ESPL1: variants seen among roughly 807,000 people sequenced by gnomAD.
ESPL1 encodes the protein separin.
Under a neutral mutation model 217.2 loss-of-function variants are expected in ESPL1, and 50 were observed. That is an observed-to-expected ratio of 0.23 (90% CI 0.18 to 0.29). The LOEUF is 0.29. Among genes scored for constraint, ESPL1 ranks in the 10% least tolerant of loss-of-function variants. The probability of loss-of-function intolerance (pLI) is 1.00; values close to 1 mark genes in which losing one functional copy is unlikely to be tolerated. For synonymous variants in ESPL1, 994 were observed against 1,081.3 expected, an observed-to-expected ratio of 0.92 and a Z score of 1.58; for missense variants, 1,834 against 2,603.0, an observed-to-expected ratio of 0.70 and a Z score of 6.43.
chr12:53,277,128 T>C lies in ESPL1; in HGVS notation c.1986T>C (p.Ser662=), dbSNP rs1470807709. The C allele has an allele frequency of 1.2e-6, 2 of 1,614,198 alleles. No individual in the cohort carries two copies. The highest frequency in any genetic ancestry group is 1.7e-5 in the Admixed American group (1 of 60,030). The change falls in exon 9 of 31, where the codon TCT becomes TCC. Residue 662 remains serine, a synonymous_variant. Transcript: ENST00000257934. ...GGGAAGCCCTGCAGCTTCTGGACTCTGTGAGGCCTGAGGCCCAGGCCAGAG... is the reference window on the plus strand; with the variant it reads ...GGGAAGCCCTGCAGCTTCTGGACTCCGTGAGGCCTGAGGCCCAGGCCAGAG... The part of the protein sequence containing the change: ...AIREALQLLD[S]VRPEAQARDQ...
In ESPL1 at chr12:53,268,387, G is replaced by T. The variant is rs1192411225; in HGVS notation, c.-13+10G>T. Reference sequence around the variant, plus strand: ...GGCGAGCTCTGGGGCGGTAAGGCCGGAAGGGACTCGTGAGCGTGGGTACGT... The same window carrying T: ...GGCGAGCTCTGGGGCGGTAAGGCCGTAAGGGACTCGTGAGCGTGGGTACGT... On this transcript the variant is annotated intron_variant, in intron 1 of 30. Coordinates refer to ENST00000257934, the MANE Select transcript of ESPL1 (RefSeq NM_012291.5). 6 of 226,268 alleles carry T rather than the reference G, an allele frequency of 2.7e-5. No homozygotes were observed. The highest frequency in any genetic ancestry group is 5.3e-5 in the Non-Finnish European group (6 of 113,036). 14.0% of individuals were successfully genotyped at this position (226,268 alleles called of 1,614,324 possible). A position where few individuals can be genotyped will look rare whatever the true frequency, so the allele number is the denominator to read the frequency against.
In ESPL1 at chr12:53,288,316, C is replaced by T. The variant is rs763866619; in HGVS notation, c.4521C>T (p.Gly1507=). Residue 1507 remains glycine, a synonymous_variant, in exon 19 of 31, where the codon GGC becomes GGT. Transcript: ENST00000257934. ...WRKMSFEILR[G]SDGEDSASGG... ...AAATGAGCTTTGAGATCCTCAGGGG[C>T]TCTGACGGGGAAGACTCAGCCTCAG... 9.4e-6 allele frequency: 15 copies of T among 1,601,456 alleles called. No individual in the cohort carries two copies. The highest frequency in any genetic ancestry group is 1.3e-5 in the Non-Finnish European group (15 of 1,174,692).
chr12:53,276,591 A>G (rs916467919), intron 7 of ESPL1, 29 bp from the exon 8 acceptor site: 4 of 1,572,832 alleles, frequency 2.5e-6, no homozygotes, highest in Admixed American at 3.6e-5. Context: ...CCTGGGTTCC[A>G]CCCTGGTGCT....
At chr12:53,288,721 T>C (rs1233485060) in intron 20 of ESPL1, 22 bp downstream of exon 20, 3 of 1,597,176 alleles carry the variant, frequency 1.9e-6, no homozygotes, top group Non-Finnish European at 2.6e-6. Context: ...ACCCCTGATG[T>C]TGGTCACTTG....
intron 6 of ESPL1, chr12:53,274,056 A>G (rs1337439024): frequency 6.6e-6 from 1 of 151,672 alleles, no homozygotes; most frequent in African/African-American, 2.4e-5. Context: ...GGGTTTCATC[A>G]TCTTGGCCGG....
chr12:53,282,398 C>A lies in ESPL1; in HGVS notation c.2754C>A (p.Asn918Lys). The A allele has an allele frequency of 6.2e-7, 1 of 1,614,194 alleles. No homozygotes were observed. The change falls in exon 14 of 31, where the codon AAC becomes AAA. Residue 918 changes from asparagine to lysine, a missense_variant. Around this residue, in one of 5 missense-constraint regions of ESPL1, gnomAD observed 107 missense variants for 171.7 expected, o/e 0.62. Coordinates refer to ENST00000257934, the MANE Select transcript of ESPL1 (RefSeq NM_012291.5). This position sits in a 1 kb window ranked among gnomAD's most constrained non-coding sequence, Gnocchi z 4.0. Reference sequence around the variant, plus strand: ...CTTACCTTAGCCTCCCGTCAAACAACCTCTCACACTCCCTGTGGGAGCAGC... The same window carrying A: ...CTTACCTTAGCCTCCCGTCAAACAAACTCTCACACTCCCTGTGGGAGCAGC... ...VAAYLSLPSN[N>K]LSHSLWEQLC...
intron 6 of ESPL1, 102 bp from the exon 7 acceptor site, chr12:53,274,715 G>A (rs750244042): frequency 8.0e-5 from 75 of 935,522 alleles, no homozygotes; most frequent in South Asian, 1.4e-4. Flanking sequence ...TGCCAACCCC[G>A]CCCCCTCATG....
chr12:53,281,641 C>A lies in ESPL1; in HGVS notation c.2619+15C>A, dbSNP rs1364285520. The stretch of plus-strand genomic sequence containing the variant: ...CTCACCAGAAGGTATTTCTCACTTT[C>A]TTAAACTCCGAAGGCCCTGGGTATT... On this transcript the variant is annotated intron_variant, in intron 13 of 30. Transcript: ENST00000257934. The A allele has an allele frequency of 6.2e-7, 1 of 1,608,352 alleles. No individual in the cohort carries two copies.
Position 53,288,123 on chromosome 12 carries a change from G to C in ESPL1, c.4328G>C (p.Gly1443Ala), listed in dbSNP as rs1360336347. 2.5e-6 allele frequency: 4 copies of C among 1,613,648 alleles called. No individual in the cohort carries two copies. In the African/African-American group the frequency reaches 5.3e-5, roughly 22 times the overall value. Residue 1443 changes from glycine to alanine, a missense_variant, in exon 19 of 31, where the codon GGT becomes GCT. Coordinates refer to ENST00000257934, the MANE Select transcript of ESPL1 (RefSeq NM_012291.5). ...AAGACGGATGCCGTGGTTGCCCCAG[G>C]TAGTGCCCCTGGGAACCCTGGCCTG... ...SLKTDAVVAPGSAPGNPGLNG... is the reference protein window; with the variant it reads ...SLKTDAVVAPASAPGNPGLNG...
Position 53,270,698 on chromosome 12 carries a change from G to A in ESPL1, c.1269G>A (p.Leu423=). The A allele has an allele frequency of 6.2e-7, 1 of 1,614,134 alleles. No homozygotes were observed. The highest frequency in any genetic ancestry group is 8.5e-7 in the Non-Finnish European group (1 of 1,180,024). ...QGCQIVDLAD[L]TQLVDSCKST... Reference sequence around the variant, plus strand: ...TTCAGATAGTTGATTTGGCTGACCTGACCCAACTAGTGGACAGTTGTAAAT... The same window carrying A: ...TTCAGATAGTTGATTTGGCTGACCTAACCCAACTAGTGGACAGTTGTAAAT... The change falls in exon 5 of 31, where the codon CTG becomes CTA. Residue 423 remains leucine, a synonymous_variant. Coordinates refer to ENST00000257934, the MANE Select transcript of ESPL1 (RefSeq NM_012291.5).
Position 53,274,878 on chromosome 12 carries a change from G to T in ESPL1, c.1568G>T (p.Gly523Val). The change falls in exon 7 of 31, where the codon GGC becomes GTC. Residue 523 changes from glycine to valine, a missense_variant. Gly to Val is a moderately radical substitution (Grantham distance 109, BLOSUM62 -3). This residue lies in a region of ESPL1 where 746 missense variants were observed against 1,077.0 expected (regional missense o/e 0.69). Coordinates refer to ENST00000257934, the MANE Select transcript of ESPL1 (RefSeq NM_012291.5). Reference sequence around the variant, plus strand: ...AAGAAACTGGGTAAACAGGCCCAGGGCTGCAAGATGGTGATTTTGTGGCTG... The same window carrying T: ...AAGAAACTGGGTAAACAGGCCCAGGTCTGCAAGATGGTGATTTTGTGGCTG... The part of the protein sequence containing the change: ...SLKKLGKQAQ[G>V]CKMVILWLAA... The T allele has an allele frequency of 6.2e-7, 1 of 1,614,090 alleles. No individual in the cohort carries two copies. The highest frequency in any genetic ancestry group is 8.5e-7 in the Non-Finnish European group (1 of 1,179,978).
rs1201120627 is a variant in ESPL1 at position 53,289,188 on chromosome 12, T to G, written c.4807T>G (p.Phe1603Val). The G allele has an allele frequency of 6.2e-7, 1 of 1,614,176 alleles. No homozygotes were observed. The highest frequency in any genetic ancestry group is 8.5e-7 in the Non-Finnish European group (1 of 1,180,022). Residue 1603 changes from phenylalanine to valine, a missense_variant, in exon 21 of 31, where the codon TTC (phenylalanine) becomes GTC (valine). Physicochemically the swap from Phe to Val is conservative, Grantham distance 50. Around this residue, in one of 5 missense-constraint regions of ESPL1, gnomAD observed 681 missense variants for 808.0 expected, o/e 0.84. Transcript: ENST00000257934. Reference protein sequence around the residue: ...PSGLYAHLCRFLALCLGHRDP... With the variant: ...PSGLYAHLCRVLALCLGHRDP... ...TGGGCTCTATGCCCACCTCTGCCGCTTCCTGGCCTTGTGCCTGGGCCACCG... is the reference window on the plus strand; with the variant it reads ...TGGGCTCTATGCCCACCTCTGCCGCGTCCTGGCCTTGTGCCTGGGCCACCG...
chr12:53,283,993 A>AGG, intron 16 of ESPL1, 65 bp from the exon 17 acceptor site: 1 of 1,227,728 alleles, frequency 8.1e-7, no homozygotes, highest in East Asian at 2.3e-5. Flanking sequence ...AAAGAGGCAA[A>AGG]GAGAAAGACT....
At chr12:53,281,136 T>C (rs1026093706) in intron 12 of ESPL1, among the ~76,000 whole-genome samples, 8 of 5,854 alleles carry the variant, frequency 1.4e-3, no homozygotes, top group East Asian at 5.4e-3. Flanking sequence ...TTACTCCACT[T>C]TTTTTTTTTT....
chr12:53,279,889 C>CTGGGG (rs754055046), intron 12 of ESPL1, 23 bp downstream of exon 12: 1 of 1,541,356 alleles, frequency 6.5e-7, no homozygotes. Flanking sequence ...CCAGCCTAGT[C>CTGGGG]TGGGGACTGC....
Position 53,292,525 on chromosome 12 carries a change from G to T in ESPL1, c.5913-49G>T. The T allele has an allele frequency of 6.6e-7, 1 of 1,521,224 alleles. No homozygotes were observed. The highest frequency in any genetic ancestry group is 1.1e-5 in the South Asian group (1 of 89,458). The allele number at this position is 1,521,224 out of a possible 1,614,324, so 94.2% of individuals were successfully genotyped here. The stretch of plus-strand genomic sequence containing the variant: ...GATCCCTCTGCTGTCTTTGCCACCT[G>T]ACCCCTGCCATGCATTTCCCTATTC... On this transcript the variant is annotated intron_variant, in intron 28 of 30. Coordinates refer to ENST00000257934, the MANE Select transcript of ESPL1 (RefSeq NM_012291.5). The surrounding 1 kb of genome is among the most constrained non-coding windows in gnomAD (Gnocchi z 4.5).
chr12:53,289,593 T>C lies in ESPL1; in HGVS notation c.5112T>C (p.Ser1704=). 1 of 1,612,274 alleles carries C rather than the reference T, an allele frequency of 6.2e-7. No homozygotes were observed. Among genetic ancestry groups the C allele is most frequent in the South Asian group, 1.1e-5 (1 of 91,018 alleles). ...AGGAGCGCCTGGCTCTGATCCCCAG[T>C]GGTATGCGGGCAGCCTTCTGGCCGG... ...SFQERLALIP[S]GVTVCVLALA... Residue 1704 remains serine (S), a splice_region_variant and synonymous_variant, in exon 22 of 31, where the codon AGT becomes AGC. Coordinates refer to ENST00000257934, the MANE Select transcript of ESPL1 (RefSeq NM_012291.5).
Position 53,288,046 on chromosome 12 carries a change from A to G in ESPL1, c.4251A>G (p.Arg1417=). 6.2e-7 allele frequency: 1 copy of G among 1,613,536 alleles called. No homozygotes were observed. Among genetic ancestry groups the G allele is most frequent in the Non-Finnish European group, 8.5e-7 (1 of 1,180,006 alleles). The change falls in exon 19 of 31, where the codon AGA becomes AGG. Residue 1417 remains arginine (R), a synonymous_variant. Coordinates refer to ENST00000257934, the MANE Select transcript of ESPL1 (RefSeq NM_012291.5). ...AEAWLAEEPK[R]RGTASRGRGR... ...CCTGGCTGGCAGAGGAGCCTAAGAG[A>G]CGGGGCACTGCTTCCCGGGGCCGGG...
At position 53,288,797 on chromosome 12, in the gene ESPL1, C is replaced by T. The variant is rs536081003; in HGVS notation, c.4708+98C>T. ...TCCAGGCTGGGTTCGGATCTGGATCCAGTAGCCTCTGAACCTGTGTTTGAA... is the reference window on the plus strand; with the variant it reads ...TCCAGGCTGGGTTCGGATCTGGATCTAGTAGCCTCTGAACCTGTGTTTGAA... On this transcript the variant is annotated intron_variant, in intron 20 of 30. Transcript: ENST00000257934. 35 of 1,160,892 alleles carry T rather than the reference C, an allele frequency of 3.0e-5. No homozygotes were observed. The Admixed American group carries it at 6.9e-4, about 23-fold the overall frequency. 71.9% of individuals were successfully genotyped at this position (1,160,892 alleles called of 1,614,324 possible).
Sources: allele counts gnomAD v4.1 joint callset (sites outside exome capture counted in the v4.1 genomes callset), GRCh38; gene constraint gnomAD v4.1.1; regional missense constraint gnomAD v4.1.1; non-coding constraint Gnocchi (gnomAD v3.1); transcripts MANE v1.5; gene names NCBI Gene and HGNC (gene_info 2026-07-23, HGNC 2026-07-21).